C3orf33: variants seen among roughly 807,000 people sequenced by gnomAD.
C3orf33 encodes the protein AP-1 activity suppressor.
A neutral mutation model predicts 28.7 loss-of-function variants in C3orf33; 23 were observed. The observed-to-expected ratio is 0.80, with a 90% CI of 0.58 to 1.13. The LOEUF (loss-of-function observed/expected upper bound fraction) is 1.13. Among genes scored for constraint, C3orf33 ranks in the 50% most tolerant of loss-of-function variants. The pLI, the probability that C3orf33 is intolerant of heterozygous loss-of-function variation, is 0.00. For synonymous variants in C3orf33, 119 were observed against 120.5 expected (o/e 0.99, Z 0.08); for missense variants, 327 against 353.4 (o/e 0.93, Z 0.60).
At chr3:155,794,678 G>T (rs1222950236) in intron 2 of C3orf33, among the ~76,000 whole-genome samples, 1 of 151,862 alleles carries the variant, frequency 6.6e-6, no homozygotes, top group Non-Finnish European at 1.5e-5. Context: ...TGAAAATAAA[G>T]AAATAGAAAA....
At chr3:155,769,952 G>A (rs1750531758) in intron 3 of C3orf33, among the ~76,000 whole-genome samples, 1 of 152,150 alleles carries the variant, frequency 6.6e-6, no homozygotes, top group East Asian at 1.9e-4. Flanking sequence ...TTTTTGCACT[G>A]TCATGCCCAT....
intron 1 of C3orf33, chr3:155,805,586 GCGCA>G (rs10563990): frequency 0.81 from 365,545 of 453,660 alleles, 147,942 homozygotes; most frequent in African/African-American, 0.87. Context: ...CGATGGGGTA[GCGCA>G]CGCAACCTGT....
At chr3:155,791,815 T>C (rs937246496) in intron 2 of C3orf33, among the ~76,000 whole-genome samples, 8 of 151,826 alleles carry the variant, frequency 5.3e-5, no homozygotes, top group African/African-American at 1.9e-4. Flanking sequence ...CAGTAGCATA[T>C]AGCAGCACCA....
Position 155,764,542 on chromosome 3 carries a change from T to C in C3orf33, c.484-624A>G, listed in dbSNP as rs1250942679. Among the ~76,000 whole-genome samples the C allele has an allele frequency of 2.0e-5, 3 of 151,868 alleles. No homozygotes were observed. The East Asian group carries it at 5.8e-4, about 29-fold the overall frequency. ...ACTGGATAAATGGGATTTTTTTTTTTCATTAATTTACGGTATAAAGGAGAT... is the reference window on the plus strand; with the variant it reads ...ACTGGATAAATGGGATTTTTTTTTTCCATTAATTTACGGTATAAAGGAGAT... On this transcript the variant is annotated intron_variant, in intron 4 of 4. Transcript: ENST00000340171.
intron 2 of C3orf33, among the ~76,000 whole-genome samples, chr3:155,794,183 G>A (rs920279845): frequency 5.9e-5 from 9 of 151,982 alleles, no homozygotes; most frequent in African/African-American, 1.9e-4. Context: ...GTTTCACCAT[G>A]TTGGCCAGGC....
chr3:155,782,029 T>C (rs1750939941), intron 2 of C3orf33, among the ~76,000 whole-genome samples: 1 of 151,836 alleles, frequency 6.6e-6, no homozygotes. Context: ...TGAGCCAACA[T>C]GGCGAAACCC....
At chr3:155,785,848 G>A (rs1751083043) in intron 2 of C3orf33, among the ~76,000 whole-genome samples, 2 of 152,018 alleles carry the variant, frequency 1.3e-5, no homozygotes, top group African/African-American at 4.8e-5. Flanking sequence ...AGACAATTCT[G>A]GGCAACATGC....
chr3:155,766,962 T>A (rs1402296978), intron 4 of C3orf33, among the ~76,000 whole-genome samples: 1 of 142,612 alleles, frequency 7.0e-6, no homozygotes, highest in Non-Finnish European at 1.5e-5. Context: ...AAAATAATAA[T>A]CATAAACAAT....
chr3:155,781,074 T>C (rs1750907585), intron 2 of C3orf33, among the ~76,000 whole-genome samples: 1 of 151,500 alleles, frequency 6.6e-6, no homozygotes, highest in Non-Finnish European at 1.5e-5. Context: ...CTCGGCTCAC[T>C]GCAAGCTCCG....
chr3:155,796,608 T>C (rs1431823260), intron 2 of C3orf33, among the ~76,000 whole-genome samples: 2 of 152,080 alleles, frequency 1.3e-5, no homozygotes, highest in Non-Finnish European at 2.9e-5. Flanking sequence ...GAAAAATAAA[T>C]ACCAATCCTA....
chr3:155,800,048 T>TTTTAAAATATGTTCC (rs1751594677), intron 2 of C3orf33, among the ~76,000 whole-genome samples: 1 of 152,116 alleles, frequency 6.6e-6, no homozygotes, highest in South Asian at 2.1e-4. Context: ...TTATTGTACA[T>TTTTAAAATATGTTCC]TTTAAAATAA....
chr3:155,764,936 G>T (rs1375134658), intron 4 of C3orf33, among the ~76,000 whole-genome samples: 2 of 152,156 alleles, frequency 1.3e-5, no homozygotes, highest in African/African-American at 4.8e-5. Context: ...TTAACAAAGT[G>T]TTAATAAAAT....
intron 1 of C3orf33, chr3:155,804,103 G>T: frequency 2.9e-6 from 1 of 348,508 alleles, no homozygotes. Context: ...TTGAACCTGG[G>T]AGGCAGAGGT....
At chr3:155,780,867 T>C (rs1028579187) in intron 2 of C3orf33, among the ~76,000 whole-genome samples, 2 of 152,206 alleles carry the variant, frequency 1.3e-5, no homozygotes, top group African/African-American at 4.8e-5. Context: ...GCCTTGATCA[T>C]GAATATGGTA....
intron 2 of C3orf33, among the ~76,000 whole-genome samples, chr3:155,785,082 A>T (rs1246692794): frequency 6.6e-6 from 1 of 151,992 alleles, no homozygotes; most frequent in Non-Finnish European, 1.5e-5. Context: ...ACCTAAACCA[A>T]TATCAGAAAA....
chr3:155,789,707 G>T (rs1751252329), intron 2 of C3orf33, among the ~76,000 whole-genome samples: 2 of 152,020 alleles, frequency 1.3e-5, no homozygotes, highest in African/African-American at 2.4e-5. Context: ...CACACTTCCT[G>T]ATTTCAAAAC....
chr3:155,768,960 G>A (rs573880712), intron 3 of C3orf33, among the ~76,000 whole-genome samples: 112 of 152,234 alleles, frequency 7.4e-4, no homozygotes, highest in African/African-American at 2.6e-3. Flanking sequence ...TGGATCACCT[G>A]AGGTCAGGAG....
intron 3 of C3orf33, among the ~76,000 whole-genome samples, chr3:155,774,537 C>T (rs1750681400): frequency 6.6e-6 from 1 of 152,096 alleles, no homozygotes; most frequent in African/African-American, 2.4e-5. Context: ...GGAATTGCAG[C>T]AGGAAAGTGG....
chr3:155,802,498 C>T (rs971244668), intron 2 of C3orf33, 34 bp downstream of exon 2: 3 of 1,527,700 alleles, frequency 2.0e-6, no homozygotes, highest in African/African-American at 2.8e-5. Context: ...CTACCTACGG[C>T]TTGTTGTAAT....
Sources: gnomAD v4.1 joint callset for allele counts (sites outside exome capture counted in the v4.1 genomes callset) on GRCh38, gnomAD v4.1.1 for gene constraint, MANE v1.5 for transcripts, NCBI Gene and HGNC (gene_info 2026-07-23, HGNC 2026-07-21) for gene names.